The following SASH1 variants were observed in gnomAD, a reference collection of about 807,000 sequenced individuals.
SASH1 encodes the protein SAM and SH3 domain-containing protein 1.
A neutral mutation model predicts 125.2 loss-of-function variants in SASH1; 44 were observed. That is an observed-to-expected ratio of 0.35 (90% CI 0.28 to 0.45). The LOEUF is 0.45. SASH1 is among the 20% of genes least tolerant of loss of function. The probability of loss-of-function intolerance (pLI) is 1.00; values close to 1 mark genes in which losing one functional copy is unlikely to be tolerated. For synonymous variants in SASH1, 639 were observed against 649.1 expected (o/e 0.98, Z 0.24); for missense variants, 1,426 against 1,614.5 (o/e 0.88, Z 2.00).
At chr6:148,407,993 G>A (rs1344766172) in intron 2 of SASH1, among the ~76,000 whole-genome samples, 2 of 152,032 alleles carry the variant, frequency 1.3e-5, no homozygotes, top group Non-Finnish European at 2.9e-5. Flanking sequence ...CTACCAGCAG[G>A]GAGGGAACAG....
chr6:148,298,775 G>A (rs1287507663), intron 1 of SASH1, among the ~76,000 whole-genome samples: 6 of 107,766 alleles, frequency 5.6e-5, no homozygotes, highest in African/African-American at 1.1e-4. Flanking sequence ...AAAGAAAAAA[G>A]AAAGAACAAA....
intron 1 of SASH1, among the ~76,000 whole-genome samples, chr6:148,287,189 C>T (rs931092596): frequency 4.6e-5 from 7 of 152,164 alleles, no homozygotes; most frequent in South Asian, 2.1e-4. Flanking sequence ...GAAGTCAGCT[C>T]CTAATGATGG....
chr6:148,456,549 A>G (rs1421288627), intron 4 of SASH1, among the ~76,000 whole-genome samples: 1 of 152,240 alleles, frequency 6.6e-6, no homozygotes, highest in East Asian at 1.9e-4. Flanking sequence ...CCCATTTACA[A>G]AATACTTGGG....
At chr6:148,200,620 CTTTAGTAGTTATTT>C in the SASH1 span, among the ~76,000 whole-genome samples, 2 of 152,164 alleles carry the variant, frequency 1.3e-5, no homozygotes, top group African/African-American at 2.4e-5. Context: ...CTTGGCTCTC[CTTTAGTAGTTATTT>C]TAATGAAAGA....
At chr6:148,525,441 T>TC in intron 11 of SASH1, 76 bp downstream of exon 11, 1 of 1,155,166 alleles carries the variant, frequency 8.7e-7, no homozygotes, top group Non-Finnish European at 1.3e-6. Flanking sequence ...TTGAGTATCT[T>TC]TGAGAATTGA....
intron 10 of SASH1, 131 bp from the exon 11 acceptor site, chr6:148,525,158 TCG>T: frequency 1.5e-6 from 1 of 688,508 alleles, no homozygotes. Context: ...TCATCATTTC[TCG>T]TTTTCTACTT....
chr6:148,525,871 C>T (rs938060753), intron 11 of SASH1, among the ~76,000 whole-genome samples: 1 of 151,928 alleles, frequency 6.6e-6, no homozygotes, highest in African/African-American at 2.4e-5. Flanking sequence ...CTGGAATGAA[C>T]CCAGTCTCTG....
chr6:148,504,874 TA>T (rs1371871669), intron 8 of SASH1, among the ~76,000 whole-genome samples: 1 of 152,028 alleles, frequency 6.6e-6, no homozygotes, highest in Non-Finnish European at 1.5e-5. Flanking sequence ...GCAGTGAGGT[TA>T]AAAAGGGGTG....
At chr6:148,367,591 G>T (rs759963515) in intron 1 of SASH1, among the ~76,000 whole-genome samples, 6 of 152,232 alleles carry the variant, frequency 3.9e-5, no homozygotes, top group Non-Finnish European at 8.8e-5. Flanking sequence ...GAAGCAGGAT[G>T]TGATGACACG....
intron 2 of SASH1, among the ~76,000 whole-genome samples, chr6:148,428,467 A>G (rs1775918063): frequency 3.3e-5 from 5 of 152,026 alleles, no homozygotes; most frequent in Admixed American, 2.6e-4. Flanking sequence ...CATCTCTACT[A>G]AAAATACAAA....
chr6:148,369,976 A>AAAAAAAAAAAAAAAAAAAAAAAC (rs1782647013), intron 1 of SASH1, among the ~76,000 whole-genome samples: 1 of 149,756 alleles, frequency 6.7e-6, no homozygotes, highest in Admixed American at 6.8e-5. Context: ...CAAAAAAAAA[A>AAAAAAAAAAAAAAAAAAAAAAAC]AAAAAAAAAA....
chr6:148,514,803 G>A (rs1147861), intron 9 of SASH1, among the ~76,000 whole-genome samples: 117,724 of 152,182 alleles, frequency 0.77, 45,765 homozygotes, highest in East Asian at 0.82. Flanking sequence ...TCCAATCCCA[G>A]AAAGGACTAT....
rs200314589 is a variant in SASH1 at position 148,519,529 on chromosome 6, C to G, written c.863-18C>G. On this transcript the variant is annotated intron_variant, in intron 9 of 19. Transcript: ENST00000367467. This position sits in a 1 kb window ranked among gnomAD's most constrained non-coding sequence, Gnocchi z 4.8. ...TGCAAAGGTGTGTTCACAAGAGACTCTGTTGGTTTCCCTCCAGGTGGGGAG... is the reference window on the plus strand; with the variant it reads ...TGCAAAGGTGTGTTCACAAGAGACTGTGTTGGTTTCCCTCCAGGTGGGGAG... 309 of 1,593,644 alleles carry G rather than the reference C, an allele frequency of 1.9e-4. No individual in the cohort carries two copies. Among genetic ancestry groups the G allele is most frequent in the Admixed American group, 9.2e-4 (55 of 59,666 alleles).
chr6:148,326,283 C>A (rs1341588175), intron 1 of SASH1, among the ~76,000 whole-genome samples: 1 of 112,196 alleles, frequency 8.9e-6, no homozygotes, highest in Non-Finnish European at 1.7e-5. Flanking sequence ...TTGCCTCAGC[C>A]TCCCAAAGTG....
At chr6:148,365,587 G>A (rs890343996) in intron 1 of SASH1, among the ~76,000 whole-genome samples, 4 of 151,940 alleles carry the variant, frequency 2.6e-5, no homozygotes, top group African/African-American at 9.7e-5. Flanking sequence ...CTCCATGATC[G>A]ATCCTTAAGC....
At chr6:148,317,754 A>T (rs1187931035) in intron 1 of SASH1, among the ~76,000 whole-genome samples, 1 of 150,238 alleles carries the variant, frequency 6.7e-6, no homozygotes, top group East Asian at 1.9e-4. Flanking sequence ...GGGACTCCCA[A>T]CATCTTGCTT....
chr6:148,494,768 T>G (rs537362249), intron 8 of SASH1, among the ~76,000 whole-genome samples: 85 of 152,270 alleles, frequency 5.6e-4, no homozygotes, highest in African/African-American at 1.9e-3. Context: ...ACTAATTTGG[T>G]TTGAGGTAGA....
At chr6:148,494,476 G>A (rs967296095) in intron 8 of SASH1, among the ~76,000 whole-genome samples, 1 of 152,004 alleles carries the variant, frequency 6.6e-6, no homozygotes, top group Non-Finnish European at 1.5e-5. Flanking sequence ...TTTGCTTTTG[G>A]GGAGTTTTAG....
intron 7 of SASH1, among the ~76,000 whole-genome samples, chr6:148,476,805 T>A (rs1778382678): frequency 6.6e-6 from 1 of 152,146 alleles, no homozygotes; most frequent in East Asian, 1.9e-4. Flanking sequence ...ATTAACTGAC[T>A]TCAAATCTAT....
Sources: gnomAD v4.1 joint callset for allele counts (sites outside exome capture counted in the v4.1 genomes callset) on GRCh38, gnomAD v4.1.1 for gene constraint, Gnocchi (gnomAD v3.1) non-coding constraint, MANE v1.5 for transcripts, NCBI Gene and HGNC (gene_info 2026-07-23, HGNC 2026-07-21) for gene names.